GRIP1: variants seen among roughly 807,000 people sequenced by gnomAD.
The protein encoded by GRIP1 is glutamate receptor-interacting protein 1.
A neutral mutation model predicts 129.9 loss-of-function variants in GRIP1; 45 were observed. The ratio of observed to expected loss-of-function variants is 0.35; its 90% CI spans 0.27 to 0.44. The LOEUF (loss-of-function observed/expected upper bound fraction) is 0.44. GRIP1 is among the 20% of genes least tolerant of loss of function. The probability of loss-of-function intolerance (pLI) is 1.00; values close to 1 mark genes in which losing one functional copy is unlikely to be tolerated. For synonymous variants in GRIP1, 530 were observed against 520.8 expected (o/e 1.02, Z -0.24); for missense variants, 1,196 against 1,396.8 (o/e 0.86, Z 2.29).
intron 1 of GRIP1, among the ~76,000 whole-genome samples, chr12:66,828,423 T>C (rs1467891207): frequency 6.6e-6 from 1 of 152,230 alleles, no homozygotes; most frequent in African/African-American, 2.4e-5. Flanking sequence ...TTCAATAATA[T>C]GATTTGAAGA....
intron 7 of GRIP1, among the ~76,000 whole-genome samples, chr12:66,475,704 T>G (rs1292626802): frequency 6.6e-6 from 1 of 152,170 alleles, no homozygotes; most frequent in Non-Finnish European, 1.5e-5. Context: ...ACATGGAAAC[T>G]GAACAACTTG....
chr12:66,996,847 G>A (rs189217407), intron 1 of GRIP1, among the ~76,000 whole-genome samples: 1 of 152,170 alleles, frequency 6.6e-6, no homozygotes, highest in Non-Finnish European at 1.5e-5. Flanking sequence ...CCACATCTCA[G>A]TCCAAACCTG....
chr12:66,411,783 C>A (rs1015767754), intron 15 of GRIP1, among the ~76,000 whole-genome samples: 1 of 152,158 alleles, frequency 6.6e-6, no homozygotes, highest in Non-Finnish European at 1.5e-5. Flanking sequence ...TAGTGACAAA[C>A]ATAAATGACC....
intron 1 of GRIP1, among the ~76,000 whole-genome samples, chr12:66,638,454 GTTC>G (rs930091091): frequency 4.7e-4 from 72 of 152,270 alleles, no homozygotes; most frequent in African/African-American, 1.6e-3. Context: ...TTCAAACCTA[GTTC>G]TTCTTAATCA....
Position 66,568,630 on chromosome 12 carries a change from A to T in GRIP1, c.137-26680T>A, listed in dbSNP as rs1012436606. On this transcript the variant is annotated intron_variant, in intron 2 of 24. Coordinates refer to ENST00000359742, the MANE Select transcript of GRIP1 (RefSeq NM_001366722.1). ...TCAAGATTGACGCAGATTCAGAAGA[A>T]TCTATTAAGTGCTTTGGGGATGAGC... is the stretch of plus-strand genomic sequence containing the variant. The T allele has an allele frequency of 7.9e-5, 15 of 189,430 alleles. No individual in the cohort carries two copies. The Admixed American group carries it at 8.4e-4, about 11-fold the overall frequency. 11.7% of individuals were successfully genotyped at this position (189,430 alleles called of 1,614,324 possible). A position where few individuals can be genotyped will look rare whatever the true frequency, so the allele number is the denominator to read the frequency against.
At chr12:66,673,695 G>A (rs1364482203) in intron 1 of GRIP1, among the ~76,000 whole-genome samples, 3 of 152,168 alleles carry the variant, frequency 2.0e-5, no homozygotes, top group African/African-American at 7.2e-5. Flanking sequence ...CTCCCTCAAA[G>A]CATGGGCTAG....
intron 1 of GRIP1, among the ~76,000 whole-genome samples, chr12:66,998,202 G>C (rs183040431): frequency 6.6e-6 from 1 of 152,116 alleles, no homozygotes; most frequent in South Asian, 2.1e-4. Flanking sequence ...TTCAAAAGCC[G>C]CATGTGGCTA....
intron 1 of GRIP1, among the ~76,000 whole-genome samples, chr12:66,823,610 A>C (rs756661534): frequency 3.9e-5 from 6 of 152,186 alleles, no homozygotes; most frequent in Non-Finnish European, 7.3e-5. Context: ...TTGTACTTTG[A>C]TAAAAAAAAT....
upstream of GRIP1, among the ~76,000 whole-genome samples, chr12:66,679,856 T>C (rs1471992287): frequency 1.3e-5 from 2 of 152,222 alleles, no homozygotes; most frequent in East Asian, 3.8e-4. Flanking sequence ...TCTTGCGACA[T>C]AGCAGATATT....
At chr12:67,013,324 T>C (rs911214715) in intron 1 of GRIP1, among the ~76,000 whole-genome samples, 5 of 152,230 alleles carry the variant, frequency 3.3e-5, no homozygotes, top group African/African-American at 1.2e-4. Context: ...AAATAGGTTA[T>C]CTATCTTTTC....
chr12:66,450,261 G>C (rs111846026), intron 11 of GRIP1, among the ~76,000 whole-genome samples: 1 of 119,084 alleles, frequency 8.4e-6, no homozygotes, highest in African/African-American at 3.3e-5. Context: ...CGGAGATCTC[G>C]CCACTGCACT....
intron 1 of GRIP1, among the ~76,000 whole-genome samples, chr12:66,957,536 C>A (rs1334204978): frequency 1.3e-5 from 2 of 151,972 alleles, no homozygotes; most frequent in East Asian, 3.9e-4. Flanking sequence ...TCTTAGACTT[C>A]TCTTGTTCTT....
At chr12:66,602,052 C>A (rs2064300001) in intron 1 of GRIP1, among the ~76,000 whole-genome samples, 1 of 152,098 alleles carries the variant, frequency 6.6e-6, no homozygotes, top group African/African-American at 2.4e-5. Flanking sequence ...GGGAGATCCA[C>A]CATTAGGAAT....
At chr12:66,978,335 T>C (rs935637307) in intron 1 of GRIP1, among the ~76,000 whole-genome samples, 5 of 152,182 alleles carry the variant, frequency 3.3e-5, no homozygotes, top group African/African-American at 7.2e-5. Context: ...TTTTGAAACT[T>C]TGACTTAAAA....
intron 7 of GRIP1, among the ~76,000 whole-genome samples, chr12:66,502,808 C>G (rs2138791409): frequency 6.6e-6 from 1 of 152,300 alleles, no homozygotes; most frequent in East Asian, 1.9e-4. Flanking sequence ...AACCACTCTT[C>G]TTTATAAATT....
At chr12:66,454,762 G>A (rs1182229497) in intron 11 of GRIP1, among the ~76,000 whole-genome samples, 3 of 151,378 alleles carry the variant, frequency 2.0e-5, no homozygotes, top group African/African-American at 7.3e-5. Context: ...GTAAAGCTGA[G>A]CATCCTTCCA....
chr12:66,896,876 G>A (rs1417571292), intron 1 of GRIP1, among the ~76,000 whole-genome samples: 1 of 152,174 alleles, frequency 6.6e-6, no homozygotes, highest in Non-Finnish European at 1.5e-5. Context: ...ACATTCCCAT[G>A]ATAAAGGAAC....
intron 14 of GRIP1, among the ~76,000 whole-genome samples, chr12:66,429,762 G>A (rs537689844): frequency 5.2e-4 from 79 of 152,150 alleles, no homozygotes; most frequent in African/African-American, 1.8e-3. Flanking sequence ...AAATAATGAC[G>A]AAGATCATCA....
intron 1 of GRIP1, among the ~76,000 whole-genome samples, chr12:66,870,112 C>T (rs908664614): frequency 2.0e-5 from 3 of 152,026 alleles, no homozygotes; most frequent in African/African-American, 7.2e-5. Flanking sequence ...CTCTGGGTGA[C>T]AAAATGATCT....
Sources: allele counts gnomAD v4.1 joint callset (sites outside exome capture counted in the v4.1 genomes callset), GRCh38; gene constraint gnomAD v4.1.1; transcripts MANE v1.5; gene names NCBI Gene and HGNC (gene_info 2026-07-23, HGNC 2026-07-21).